The following SWT1 variants were observed in gnomAD, a reference collection of about 807,000 sequenced individuals.
The protein encoded by SWT1 is SWT1 RNA endoribonuclease homolog.
A neutral mutation model predicts 107.3 loss-of-function variants in SWT1; 33 were observed. The observed-to-expected ratio is 0.31, with a 90% CI of 0.23 to 0.41. The LOEUF is 0.41. SWT1 is among the 10% of genes least tolerant of loss of function. The probability of loss-of-function intolerance (pLI) is 1.00; values close to 1 mark genes in which losing one functional copy is unlikely to be tolerated. For synonymous variants in SWT1, 345 were observed against 348.3 expected, an observed-to-expected ratio of 0.99 and a Z score of 0.11; for missense variants, 898 against 1,028.9, an observed-to-expected ratio of 0.87 and a Z score of 1.74.
intron 15 of SWT1, among the ~76,000 whole-genome samples, chr1:185,224,223 A>G (rs993177308): frequency 4.6e-5 from 7 of 152,074 alleles, no homozygotes; most frequent in South Asian, 2.1e-4. Context: ...CTTGGTACCC[A>G]TGTCCAAAAT....
In SWT1 at chr1:185,174,363, G is replaced by T; in HGVS notation, c.225-9G>T. ...ATAATGTAACCTAGGTTTCTGTGCT[G>T]TTTTACAGATTGAGTGTAGAAATTG... On this transcript the variant is annotated splice_polypyrimidine_tract_variant and intron_variant, in intron 4 of 18. Transcript: ENST00000367500. 6.5e-7 allele frequency: 1 copy of T among 1,528,874 alleles called. No homozygotes were observed. The highest frequency in any genetic ancestry group is 1.3e-5 in the South Asian group (1 of 74,484). 94.7% of individuals were successfully genotyped at this position (1,528,874 alleles called of 1,614,324 possible).
At chr1:185,284,484 A>G (rs549243517) in intron 18 of SWT1, among the ~76,000 whole-genome samples, 1 of 152,242 alleles carries the variant, frequency 6.6e-6, no homozygotes, top group Non-Finnish European at 1.5e-5. Flanking sequence ...GGCACAAAAT[A>G]TAATTTAAAG....
chr1:185,204,258 C>T (rs570985680), intron 11 of SWT1, among the ~76,000 whole-genome samples: 2 of 150,948 alleles, frequency 1.3e-5, no homozygotes, highest in African/African-American at 2.4e-5. Flanking sequence ...GCCTGGGCAA[C>T]AGAGCGAGAC....
At chr1:185,168,927 A>G (rs1416322650) in intron 4 of SWT1, among the ~76,000 whole-genome samples, 1 of 152,202 alleles carries the variant, frequency 6.6e-6, no homozygotes, top group Non-Finnish European at 1.5e-5. Flanking sequence ...TTTGGTGCAG[A>G]AAGTACTTGC....
intron 13 of SWT1, among the ~76,000 whole-genome samples, chr1:185,211,151 C>T (rs770926291): frequency 6.6e-6 from 1 of 152,162 alleles, no homozygotes; most frequent in South Asian, 2.1e-4. Flanking sequence ...CTATCCTCAT[C>T]AAGCTACCAT....
intron 10 of SWT1, among the ~76,000 whole-genome samples, chr1:185,192,455 ATT>A (rs1348146908): frequency 6.6e-6 from 1 of 151,932 alleles, no homozygotes; most frequent in Non-Finnish European, 1.5e-5. Context: ...GTCTTCTTTA[ATT>A]TTATTTTTTA....
At chr1:185,227,515 C>A (rs1660162972) in intron 15 of SWT1, 2 of 541,010 alleles carry the variant, frequency 3.7e-6, no homozygotes, top group South Asian at 1.7e-5. Flanking sequence ...AGCAGTCTGA[C>A]AAATGATATC....
intron 16 of SWT1, among the ~76,000 whole-genome samples, chr1:185,241,513 A>G (rs1272886847): frequency 6.6e-6 from 1 of 152,156 alleles, no homozygotes; most frequent in Non-Finnish European, 1.5e-5. Flanking sequence ...ATTGTTTAAA[A>G]ATGAAAAGAC....
intron 10 of SWT1, among the ~76,000 whole-genome samples, chr1:185,196,907 A>G (rs1294833894): frequency 6.6e-6 from 1 of 152,166 alleles, no homozygotes; most frequent in African/African-American, 2.4e-5. Flanking sequence ...AATAGAGACA[A>G]TTTGACTTCT....
At chr1:185,259,375 G>A (rs972937930) in intron 16 of SWT1, among the ~76,000 whole-genome samples, 40 of 152,108 alleles carry the variant, frequency 2.6e-4, no homozygotes, top group African/African-American at 8.7e-4. Context: ...AAGAAACTAC[G>A]TGGTCATTTG....
intron 11 of SWT1, among the ~76,000 whole-genome samples, chr1:185,203,077 A>G (rs1341314502): frequency 6.6e-6 from 1 of 152,230 alleles, no homozygotes; most frequent in African/African-American, 2.4e-5. Context: ...ATCACTGTGT[A>G]CATGCTAATT....
At chr1:185,217,433 T>C (rs1364260933) in intron 14 of SWT1, among the ~76,000 whole-genome samples, 1 of 152,186 alleles carries the variant, frequency 6.6e-6, no homozygotes, top group Non-Finnish European at 1.5e-5. Flanking sequence ...TATTGTGAAC[T>C]GTGCATACAA....
At chr1:185,211,146 C>T (rs1044074059) in intron 13 of SWT1, among the ~76,000 whole-genome samples, 1 of 152,106 alleles carries the variant, frequency 6.6e-6, no homozygotes, top group African/African-American at 2.4e-5. Context: ...CAGTGCTATC[C>T]TCATCAAGCT....
At chr1:185,198,936 A>G (rs930767487) in intron 10 of SWT1, among the ~76,000 whole-genome samples, 1 of 146,738 alleles carries the variant, frequency 6.8e-6, no homozygotes, top group East Asian at 2.0e-4. Context: ...TAGCTCGTTT[A>G]CATTTTTTTT....
intron 10 of SWT1, among the ~76,000 whole-genome samples, chr1:185,195,661 T>A (rs539888731): frequency 6.6e-6 from 1 of 152,328 alleles, no homozygotes; most frequent in Admixed American, 6.5e-5. Flanking sequence ...CAGCATCTGT[T>A]GTTTCTTGAC....
chr1:185,258,228 TC>T (rs1662761316), intron 16 of SWT1, among the ~76,000 whole-genome samples: 1 of 152,220 alleles, frequency 6.6e-6, no homozygotes, highest in East Asian at 1.9e-4. Context: ...ATTATTCAGA[TC>T]CTGAATATAG....
intron 12 of SWT1, among the ~76,000 whole-genome samples, chr1:185,206,401 A>T (rs965479236): frequency 6.6e-6 from 1 of 152,184 alleles, no homozygotes; most frequent in Non-Finnish European, 1.5e-5. Flanking sequence ...TTTTTTGCAC[A>T]GTTTCTGAAA....
At chr1:185,158,866 A>T (rs1653889600) in intron 1 of SWT1, among the ~76,000 whole-genome samples, 1 of 152,242 alleles carries the variant, frequency 6.6e-6, no homozygotes, top group Admixed American at 6.5e-5. Flanking sequence ...TTCTGGGTTG[A>T]TCTGGCTTTG....
intron 13 of SWT1, among the ~76,000 whole-genome samples, chr1:185,210,493 A>C (rs575065415): frequency 6.6e-6 from 1 of 152,224 alleles, no homozygotes; most frequent in African/African-American, 2.4e-5. Context: ...ACAGCCCTTC[A>C]AGCTAAAAAC....
Sources: allele counts gnomAD v4.1 joint callset (sites outside exome capture counted in the v4.1 genomes callset), GRCh38; gene constraint gnomAD v4.1.1; transcripts MANE v1.5; gene names NCBI Gene and HGNC (gene_info 2026-07-23, HGNC 2026-07-21).